Variants in GPR158 observed in about 807,000 individuals in gnomAD.
The protein encoded by GPR158 is G protein-coupled receptor 158.
In GPR158, 30 loss-of-function variants were observed where a neutral mutation model predicts 78.2. The observed-to-expected ratio is 0.38, with a 90% confidence interval of 0.29 to 0.52. The LOEUF (loss-of-function observed/expected upper bound fraction) is 0.52. GPR158 is among the 20% of genes least tolerant of loss of function. GPR158 has a pLI of 0.83. For synonymous variants in GPR158, 581 were observed against 591.1 expected, an observed-to-expected ratio of 0.98 and a Z score of 0.25; for missense variants, 1,463 against 1,523.5, an observed-to-expected ratio of 0.96 and a Z score of 0.66.
chr10:25,207,237 G>A (rs941729578), intron 1 of GPR158, among the ~76,000 whole-genome samples: 1 of 152,108 alleles, frequency 6.6e-6, no homozygotes, highest in Non-Finnish European at 1.5e-5. Context: ...GACCATGATG[G>A]GAAGCTCAGG....
At chr10:25,344,513 A>G (rs1855345392) in intron 2 of GPR158, among the ~76,000 whole-genome samples, 1 of 151,934 alleles carries the variant, frequency 6.6e-6, no homozygotes, top group African/African-American at 2.4e-5. Context: ...TTGAGTTTAA[A>G]AAAAAGAGGT....
At chr10:25,222,024 TAAGG>T (rs2130684017) in intron 2 of GPR158, among the ~76,000 whole-genome samples, 1 of 152,290 alleles carries the variant, frequency 6.6e-6, no homozygotes, top group East Asian at 1.9e-4. Flanking sequence ...GTGTAATTTT[TAAGG>T]AAGGAATTTT....
intron 5 of GPR158, among the ~76,000 whole-genome samples, chr10:25,525,137 G>T (rs1836330392): frequency 1.3e-5 from 2 of 152,108 alleles, no homozygotes; most frequent in Non-Finnish European, 2.9e-5. Flanking sequence ...AATGAGTGTT[G>T]GCGAGGAGGT....
chr10:25,402,695 G>A (rs1174143964), intron 3 of GPR158, among the ~76,000 whole-genome samples: 1 of 151,748 alleles, frequency 6.6e-6, no homozygotes, highest in Non-Finnish European at 1.5e-5. Flanking sequence ...AGAATATATT[G>A]GATTTATTTC....
At chr10:25,582,635 CTG>C (rs942136017) in intron 7 of GPR158, among the ~76,000 whole-genome samples, 3 of 152,144 alleles carry the variant, frequency 2.0e-5, no homozygotes, top group African/African-American at 7.2e-5. Flanking sequence ...GTATGATTGA[CTG>C]TGTTACTCCC....
At chr10:25,555,760 CT>C (rs201666919) in intron 6 of GPR158, among the ~76,000 whole-genome samples, 4 of 150,734 alleles carry the variant, frequency 2.7e-5, no homozygotes, top group Admixed American at 6.6e-5. Context: ...AAACAAAATA[CT>C]TTTTTTTTGT....
At chr10:25,511,273 G>C (rs922236408) in intron 5 of GPR158, among the ~76,000 whole-genome samples, 1 of 152,054 alleles carries the variant, frequency 6.6e-6, no homozygotes, top group Non-Finnish European at 1.5e-5. Flanking sequence ...TTGTGGTTTT[G>C]ATTTTTATTT....
At chr10:25,593,354 A>G (rs1554816330) in intron 8 of GPR158, among the ~76,000 whole-genome samples, 1 of 152,080 alleles carries the variant, frequency 6.6e-6, no homozygotes, top group Non-Finnish European at 1.5e-5. Flanking sequence ...TTTAGCCATT[A>G]ATATATGTTT....
intron 4 of GPR158, among the ~76,000 whole-genome samples, chr10:25,445,754 G>GGA (rs373248720): frequency 4.6e-5 from 7 of 151,404 alleles, no homozygotes; most frequent in Admixed American, 3.3e-4. Flanking sequence ...GGAGAGAGGG[G>GGA]GAGAGAGAGA....
chr10:25,181,508 C>T (rs751709002), intron 1 of GPR158, among the ~76,000 whole-genome samples: 72 of 152,196 alleles, frequency 4.7e-4, no homozygotes, highest in African/African-American at 1.1e-3. Flanking sequence ...CTTGTGATGG[C>T]GATGGGTCAT....
intron 5 of GPR158, among the ~76,000 whole-genome samples, chr10:25,469,293 A>G (rs781441426): frequency 6.6e-6 from 1 of 152,142 alleles, no homozygotes; most frequent in Non-Finnish European, 1.5e-5. Context: ...ACTCATATTC[A>G]GCTGCTTAGG....
At chr10:25,321,310 G>T (rs1360694953) in intron 2 of GPR158, among the ~76,000 whole-genome samples, 1 of 152,040 alleles carries the variant, frequency 6.6e-6, no homozygotes, top group African/African-American at 2.4e-5. Flanking sequence ...AGATATATTG[G>T]GATTTATATT....
chr10:25,561,112 A>C (rs1191069552), intron 6 of GPR158, among the ~76,000 whole-genome samples: 2 of 152,196 alleles, frequency 1.3e-5, no homozygotes, highest in Non-Finnish European at 2.9e-5. Context: ...TGATGCAATT[A>C]GTGATGTTTC....
At chr10:25,393,697 C>T (rs1362687127) in intron 2 of GPR158, 1 of 152,120 alleles carries the variant, frequency 6.6e-6, no homozygotes, top group African/African-American at 2.4e-5. Flanking sequence ...GGAAGGTCAT[C>T]CTCTTTGACC....
At chr10:25,562,361 C>T (rs151253991) in intron 6 of GPR158, among the ~76,000 whole-genome samples, 1 of 152,080 alleles carries the variant, frequency 6.6e-6, no homozygotes, top group East Asian at 1.9e-4. Flanking sequence ...ATTTTCTCTT[C>T]GATTTTTAGT....
At chr10:25,543,996 A>C (rs1368049099) in intron 5 of GPR158, among the ~76,000 whole-genome samples, 1 of 152,144 alleles carries the variant, frequency 6.6e-6, no homozygotes, top group Non-Finnish European at 1.5e-5. Flanking sequence ...AGTTCCCAAG[A>C]GGCATTCTTA....
At chr10:25,574,321 A>G (rs1837058495) in intron 7 of GPR158, among the ~76,000 whole-genome samples, 1 of 152,134 alleles carries the variant, frequency 6.6e-6, no homozygotes, top group Non-Finnish European at 1.5e-5. Flanking sequence ...TCTATGTAGA[A>G]ATATATAGAA....
At chr10:25,244,154 A>T (rs1435671424) in intron 2 of GPR158, 2 of 152,200 alleles carry the variant, frequency 1.3e-5, no homozygotes, top group Non-Finnish European at 2.9e-5. Flanking sequence ...TGCAAAAATA[A>T]ATAAACCCCC....
chr10:25,268,462 C>T (rs1232048481), intron 2 of GPR158, among the ~76,000 whole-genome samples: 1 of 152,038 alleles, frequency 6.6e-6, no homozygotes, highest in African/African-American at 2.4e-5. Flanking sequence ...GACCCTAAGA[C>T]TCATTGAGTT....
Sources: allele counts gnomAD v4.1 joint callset (sites outside exome capture counted in the v4.1 genomes callset), GRCh38; gene constraint gnomAD v4.1.1; transcripts MANE v1.5; gene names NCBI Gene and HGNC (gene_info 2026-07-23, HGNC 2026-07-21).